GRK2: variants seen among roughly 807,000 people sequenced by gnomAD.
The protein encoded by GRK2 is adrenergic beta receptor kinase 1.
In GRK2, 23 loss-of-function variants were observed where a neutral mutation model predicts 97.8. The ratio of observed to expected loss-of-function variants is 0.24; its 90% confidence interval spans 0.17 to 0.33. GRK2 has a LOEUF of 0.33. Among genes scored for constraint, GRK2 ranks in the 10% least tolerant of loss-of-function variants. The pLI, the probability that GRK2 is intolerant of heterozygous loss-of-function variation, is 1.00. For missense variants in GRK2, 633 were observed against 956.9 expected (o/e 0.66, Z 4.47); for synonymous variants, 425 against 381.7 (o/e 1.11, Z -1.32).
In GRK2 at chr11:67,281,249, GCC is replaced by G; in HGVS notation, c.647+66_647+67del. On this transcript the variant is annotated intron_variant, in intron 8 of 20. Transcript: ENST00000308595. The surrounding 1 kb of genome is among the most constrained non-coding windows in gnomAD (Gnocchi z 5.7). Reference sequence around the variant, plus strand: ...CCGGGCTCCTGGGGGACCCTGACAGGCCGGGTTCCACACAGGGCCACCTGCTG... The same window carrying G: ...CCGGGCTCCTGGGGGACCCTGACAGGGGGTTCCACACAGGGCCACCTGCTG... The G allele has an allele frequency of 6.8e-7, 1 of 1,465,156 alleles. No homozygotes were observed. The highest frequency in any genetic ancestry group is 2.3e-5 in the East Asian group (1 of 43,794). 90.8% of individuals were successfully genotyped at this position (1,465,156 alleles called of 1,614,324 possible). A position where few individuals can be genotyped will look rare whatever the true frequency, so the allele number is the denominator to read the frequency against.
rs563063880 is a variant in GRK2, at chr11:67,283,406, G to A, written c.1328+178G>A. On this transcript the variant is annotated intron_variant, in intron 15 of 20. Coordinates refer to ENST00000308595, the MANE Select transcript of GRK2 (RefSeq NM_001619.5). ...TGGAGGGGCTGCCCTGGGAGTTGGA[G>A]CTGCTGGAACCAGCTAGTAACTGGC... The A allele has an allele frequency of 6.7e-5, 43 of 641,506 alleles. No homozygotes were observed. In the South Asian group the frequency reaches 7.5e-4, roughly 11 times the overall value. The allele number at this position is 641,506 out of a possible 1,614,324, so 39.7% of individuals were successfully genotyped here.
At chr11:67,272,170 CCT>C (rs1332742085) in intron 1 of GRK2, among the ~76,000 whole-genome samples, 2 of 152,202 alleles carry the variant, frequency 1.3e-5, no homozygotes, top group East Asian at 1.9e-4. Flanking sequence ...CTGCTCGTCT[CCT>C]ACAGCTCCTG....
In GRK2 at chr11:67,266,666, G is replaced by GGCT. The variant is rs1386661387; in HGVS notation, c.-32_-31insTGC. 1.4e-5 allele frequency: 14 copies of GGCT among 1,035,514 alleles called. No individual in the cohort carries two copies. 64.1% of individuals were successfully genotyped at this position (1,035,514 alleles called of 1,614,324 possible). On this transcript the variant is annotated 5_prime_UTR_variant, in exon 1 of 21. Transcript: ENST00000308595. ...AGCGAGCAGGAGCGGCGGCGGCGGCGGCGGCGGCGGGAGGAGGCAGCGCCG... is the reference window on the plus strand; with the variant it reads ...AGCGAGCAGGAGCGGCGGCGGCGGCGGCTGCGGCGGCGGGAGGAGGCAGCGCCG...
intron 2 of GRK2, among the ~76,000 whole-genome samples, chr11:67,278,526 T>C (rs1860080115): frequency 6.6e-6 from 1 of 152,166 alleles, no homozygotes; most frequent in African/African-American, 2.4e-5. Flanking sequence ...CCCAGGGACC[T>C]GCCATTTGGT....
At chr11:67,284,820 C>G (rs375477578) in intron 18 of GRK2, 27 bp from the exon 19 acceptor site, 2 of 1,607,952 alleles carry the variant, frequency 1.2e-6, no homozygotes, top group African/African-American at 2.7e-5. Context: ...GTGGGGCCGG[C>G]TGAGTCTCCT....
At chr11:67,277,712 C>T (rs1860063906) in intron 2 of GRK2, among the ~76,000 whole-genome samples, 3 of 152,256 alleles carry the variant, frequency 2.0e-5, no homozygotes, top group Admixed American at 1.3e-4. Flanking sequence ...GTGGCGCCTG[C>T]CGAGCTGTGG....
Position 67,283,963 on chromosome 11 carries a change from C to T in GRK2, c.1491+14C>T. The T allele has an allele frequency of 6.3e-7, 1 of 1,592,236 alleles. No individual in the cohort carries two copies. Among genetic ancestry groups the T allele is most frequent in the Non-Finnish European group, 8.6e-7 (1 of 1,166,546 alleles). On this transcript the variant is annotated intron_variant, in intron 17 of 20. Coordinates refer to ENST00000308595, the MANE Select transcript of GRK2 (RefSeq NM_001619.5). ...AAAGGAATCAAGGTACTGGGCCTTG[C>T]CTGGCCTCTTGTACCTAGGCTGTGA... is the stretch of plus-strand genomic sequence containing the variant.
chr11:67,280,609 C>T (rs1056616747), intron 6 of GRK2, 123 bp from the exon 7 acceptor site: 3 of 1,091,594 alleles, frequency 2.7e-6, no homozygotes, highest in African/African-American at 3.1e-5. Context: ...CATTAACGCT[C>T]GTGATGTTTC....
At position 67,281,152 on chromosome 11, in the gene GRK2, C is replaced by G. The variant is rs1277011269; in HGVS notation, c.615C>G (p.Val205=). The G allele has an allele frequency of 1.2e-6, 2 of 1,613,464 alleles. No individual in the cohort carries two copies. Among genetic ancestry groups the G allele is most frequent in the African/African-American group, 2.7e-5 (2 of 75,030 alleles). Residue 205 remains valine, a synonymous_variant, in exon 8 of 21, where the codon GTC becomes GTG. Transcript: ENST00000308595. This position sits in a 1 kb window ranked among gnomAD's most constrained non-coding sequence, Gnocchi z 5.7. ...TTGGGCGCGGGGGCTTTGGCGAGGT[C>G]TATGGGTGCCGGAAGGCTGACACAG... The part of the protein sequence containing the change: ...RIIGRGGFGE[V]YGCRKADTGK...
In GRK2 at chr11:67,281,090, C is replaced by T. The variant is rs1409981639; in HGVS notation, c.556-3C>T. ...GGTGACCGCAGCTGTCGCTGCCCCTCAGCTGACCATGAATGACTTCAGCGT... is the reference window on the plus strand; with the variant it reads ...GGTGACCGCAGCTGTCGCTGCCCCTTAGCTGACCATGAATGACTTCAGCGT... On this transcript the variant is annotated splice_polypyrimidine_tract_variant and splice_region_variant and intron_variant, in intron 7 of 20. Transcript: ENST00000308595. This position sits in a 1 kb window ranked among gnomAD's most constrained non-coding sequence, Gnocchi z 5.7. 3 of 1,611,334 alleles carry T rather than the reference C, an allele frequency of 1.9e-6. No individual in the cohort carries two copies. Among genetic ancestry groups the T allele is most frequent in the Non-Finnish European group, 2.5e-6 (3 of 1,178,592 alleles).
chr11:67,271,446 C>A lies in GRK2; in HGVS notation c.113+4634C>A, dbSNP rs895854058. ...CAATTTTCTGACTCTAGAGCCATTT[C>A]GTGTTTGGGATGGGGGATAACCCCC... is the stretch of plus-strand genomic sequence containing the variant. On this transcript the variant is annotated intron_variant, in intron 1 of 20. Transcript: ENST00000308595. Among the ~76,000 whole-genome samples the A allele has an allele frequency of 3.3e-5, 5 of 152,204 alleles. No individual in the cohort carries two copies. In the East Asian group the frequency reaches 9.6e-4, roughly 29 times the overall value.
intron 14 of GRK2, 47 bp from the exon 15 acceptor site, chr11:67,283,081 C>A: frequency 6.3e-7 from 1 of 1,583,312 alleles, no homozygotes; most frequent in South Asian, 1.1e-5. Flanking sequence ...GGGATGGGGT[C>A]AAGGGCTCTT....
chr11:67,281,365 G>T lies in GRK2; in HGVS notation c.648-94G>T. On this transcript the variant is annotated intron_variant, in intron 8 of 20. Coordinates refer to ENST00000308595, the MANE Select transcript of GRK2 (RefSeq NM_001619.5). This position sits in a 1 kb window ranked among gnomAD's most constrained non-coding sequence, Gnocchi z 5.7. ...TGTCTCTGATTTGTGTCACACGCTG[G>T]TCCTGGGTCTAGTCTTTCCCTCAAG... is the stretch of plus-strand genomic sequence containing the variant. The T allele has an allele frequency of 8.0e-7, 1 of 1,257,252 alleles. No individual in the cohort carries two copies. The allele number at this position is 1,257,252 out of a possible 1,614,324, so 77.9% of individuals were successfully genotyped here.
In GRK2 at chr11:67,269,550, T is replaced by A. The variant is rs1859865329; in HGVS notation, c.113+2738T>A. Among the ~76,000 whole-genome samples, 1 of 152,214 alleles carries A rather than the reference T, an allele frequency of 6.6e-6. No homozygotes were observed. Among genetic ancestry groups the A allele is most frequent in the Non-Finnish European group, 1.5e-5 (1 of 68,038 alleles). ...TGTCTGGGGCCATCGGCTGTCACAG[T>A]TCACAAGGCTCAGCCCTCTTCCCGT... On this transcript the variant is annotated intron_variant, in intron 1 of 20. Transcript: ENST00000308595. The surrounding 1 kb of genome is among the most constrained non-coding windows in gnomAD (Gnocchi z 4.1).
chr11:67,277,692 G>A (rs1160954131), intron 2 of GRK2, among the ~76,000 whole-genome samples: 1 of 152,246 alleles, frequency 6.6e-6, no homozygotes, highest in African/African-American at 2.4e-5. Flanking sequence ...GAAGAGGCGG[G>A]GCCCTTCCTG....
In GRK2 at chr11:67,277,279, A is replaced by G; in HGVS notation, c.121A>G (p.Ser41Gly). Residue 41 changes from serine to glycine, a missense_variant, in exon 2 of 21, where the codon AGT becomes GGT. Physicochemically the swap from Ser to Gly is moderately conservative, Grantham distance 56 (BLOSUM62 0). Around this residue, in one of 4 missense-constraint regions of GRK2, gnomAD observed 193 missense variants for 212.2 expected, o/e 0.91. Coordinates refer to ENST00000308595, the MANE Select transcript of GRK2 (RefSeq NM_001619.5). ...CGCCCCCCTGACCCACAGCATCCGCAGTGTCATGCAGAAGTACCTGGAGGA... is the reference window on the plus strand; with the variant it reads ...CGCCCCCCTGACCCACAGCATCCGCGGTGTCATGCAGAAGTACCTGGAGGA... Reference protein sequence around the residue: ...KILLPEPSIRSVMQKYLEDRG... With the variant: ...KILLPEPSIRGVMQKYLEDRG... The G allele has an allele frequency of 5.6e-6, 9 of 1,613,590 alleles. No individual in the cohort carries two copies. Among genetic ancestry groups the G allele is most frequent in the Non-Finnish European group, 7.6e-6 (9 of 1,179,908 alleles).
chr11:67,275,234 C>T (rs561686833), intron 1 of GRK2, among the ~76,000 whole-genome samples: 2 of 152,248 alleles, frequency 1.3e-5, no homozygotes, highest in South Asian at 4.1e-4. Flanking sequence ...CCACTGCAGC[C>T]CTTCCTGGAA....
At chr11:67,280,548 G>A (rs1005661264) in intron 6 of GRK2, 184 bp from the exon 7 acceptor site, 3 of 701,318 alleles carry the variant, frequency 4.3e-6, no homozygotes, top group African/African-American at 1.8e-5. Context: ...AAGCAGCCCT[G>A]ACTGGTGCTG....
chr11:67,284,193 C>T lies in GRK2; in HGVS notation c.1492-18C>T. ...TCTCTGTCCACCCATGTGCCCCTGC[C>T]CCATCCACCTGGTAAAGTTACTGGA... is the stretch of plus-strand genomic sequence containing the variant. On this transcript the variant is annotated intron_variant, in intron 17 of 20. Coordinates refer to ENST00000308595, the MANE Select transcript of GRK2 (RefSeq NM_001619.5). 6.2e-7 allele frequency: 1 copy of T among 1,613,476 alleles called. No homozygotes were observed. The highest frequency in any genetic ancestry group is 1.3e-5 in the African/African-American group (1 of 75,036).
Sources: allele counts gnomAD v4.1 joint callset (sites outside exome capture counted in the v4.1 genomes callset), GRCh38; gene constraint gnomAD v4.1.1; regional missense constraint gnomAD v4.1.1; non-coding constraint Gnocchi (gnomAD v3.1); transcripts MANE v1.5; gene names NCBI Gene and HGNC (gene_info 2026-07-23, HGNC 2026-07-21).